The following GRID2 variants were observed in gnomAD, a reference collection of about 807,000 sequenced individuals.
GRID2 encodes the protein glutamate ionotropic receptor delta type subunit 2.
Under a neutral mutation model 114.8 loss-of-function variants are expected in GRID2, and 33 were observed. That is an observed-to-expected ratio of 0.29 (90% confidence interval 0.22 to 0.38). The LOEUF (loss-of-function observed/expected upper bound fraction) is 0.38. Among genes scored for constraint, GRID2 ranks in the 10% least tolerant of loss-of-function variants. The pLI, the probability that GRID2 is intolerant of heterozygous loss-of-function variation, is 1.00. For missense variants in GRID2, 1,184 were observed against 1,257.7 expected (o/e 0.94, Z 0.89); for synonymous variants, 505 against 449.9 (o/e 1.12, Z -1.55).
At chr4:92,479,981 A>C (rs544813763) in intron 1 of GRID2, among the ~76,000 whole-genome samples, 31 of 152,280 alleles carry the variant, frequency 2.0e-4, no homozygotes, top group African/African-American at 7.5e-4. Flanking sequence ...TCTTTGAAAC[A>C]TTGTAATTAC....
At chr4:93,382,575 T>TA in intron 8 of GRID2, among the ~76,000 whole-genome samples, 1 of 152,128 alleles carries the variant, frequency 6.6e-6, no homozygotes, top group East Asian at 1.9e-4. Flanking sequence ...AATTTCTTTC[T>TA]ACTTTTAAGT....
chr4:93,708,841 T>C (rs950626578), intron 14 of GRID2, among the ~76,000 whole-genome samples: 6 of 152,018 alleles, frequency 3.9e-5, no homozygotes, highest in African/African-American at 1.4e-4. Context: ...ATTTCTTGCT[T>C]TTTATTTTTT....
chr4:93,144,480 A>G (rs933421828), intron 4 of GRID2, among the ~76,000 whole-genome samples: 5 of 152,192 alleles, frequency 3.3e-5, no homozygotes, highest in African/African-American at 1.2e-4. Context: ...GCAGTCCATA[A>G]GGGCCTTTGG....
intron 1 of GRID2, among the ~76,000 whole-genome samples, chr4:92,396,576 G>T (rs773255923): frequency 3.9e-5 from 6 of 152,040 alleles, no homozygotes; most frequent in Non-Finnish European, 5.9e-5. Flanking sequence ...TCATACCTAG[G>T]AGTGAGAGCC....
At chr4:92,382,209 G>T (rs1450732957) in intron 1 of GRID2, among the ~76,000 whole-genome samples, 2 of 151,424 alleles carry the variant, frequency 1.3e-5, no homozygotes, top group South Asian at 4.2e-4. Context: ...TTCTCTTAAG[G>T]TGGTAGAAAA....
chr4:93,756,138 T>A (rs1237304590), intron 14 of GRID2, among the ~76,000 whole-genome samples: 2 of 152,168 alleles, frequency 1.3e-5, no homozygotes, highest in Non-Finnish European at 2.9e-5. Context: ...TTTAAAAACA[T>A]CTTACTTATT....
At chr4:93,116,867 A>G (rs1733316274) in intron 4 of GRID2, among the ~76,000 whole-genome samples, 1 of 152,100 alleles carries the variant, frequency 6.6e-6, no homozygotes, top group South Asian at 2.1e-4. Context: ...AATATTAAAT[A>G]AAGTGCCTTT....
intron 8 of GRID2, among the ~76,000 whole-genome samples, chr4:93,288,425 A>C (rs1753404109): frequency 6.6e-6 from 1 of 152,106 alleles, no homozygotes; most frequent in Non-Finnish European, 1.5e-5. Flanking sequence ...ACTCATATGC[A>C]CTTCCTGGGG....
intron 9 of GRID2, among the ~76,000 whole-genome samples, chr4:93,411,684 G>A (rs554007509): frequency 7.6e-4 from 116 of 151,738 alleles, no homozygotes; most frequent in African/African-American, 1.5e-3. Flanking sequence ...TGCCTGCCTC[G>A]GCCTCCCAAA....
intron 1 of GRID2, among the ~76,000 whole-genome samples, chr4:92,339,065 A>G (rs1304499895): frequency 6.6e-6 from 1 of 152,118 alleles, no homozygotes; most frequent in Non-Finnish European, 1.5e-5. Flanking sequence ...GGAGATTTAT[A>G]CCTTCCTCTA....
intron 8 of GRID2, among the ~76,000 whole-genome samples, chr4:93,316,296 GA>G: frequency 2.7e-5 from 1 of 36,394 alleles, no homozygotes. Flanking sequence ...AAGAACGAAA[GA>G]AAGAAAGAAA....
chr4:93,250,457 C>A (rs1458864035), intron 8 of GRID2, among the ~76,000 whole-genome samples: 1 of 151,532 alleles, frequency 6.6e-6, no homozygotes, highest in Non-Finnish European at 1.5e-5. Flanking sequence ...AACAAACCTG[C>A]AAGTTCTGCA....
intron 12 of GRID2, among the ~76,000 whole-genome samples, chr4:93,503,362 A>G (rs1434225092): frequency 6.6e-6 from 1 of 152,080 alleles, no homozygotes; most frequent in Non-Finnish European, 1.5e-5. Context: ...TTTAGGGTAC[A>G]TGTGCACAAC....
chr4:93,682,512 C>G (rs1221599428), intron 14 of GRID2, among the ~76,000 whole-genome samples: 4 of 152,054 alleles, frequency 2.6e-5, no homozygotes, highest in South Asian at 4.2e-4. Context: ...TTCACAATAG[C>G]AAAGACTTGG....
intron 1 of GRID2, among the ~76,000 whole-genome samples, chr4:92,416,921 T>G (rs1731646255): frequency 6.6e-6 from 1 of 152,096 alleles, no homozygotes; most frequent in African/African-American, 2.4e-5. Flanking sequence ...TTAGGATTTT[T>G]TTTCTAGTTT....
intron 8 of GRID2, among the ~76,000 whole-genome samples, chr4:93,361,638 CCAGCATATGGATTA>C (rs1481349350): frequency 1.3e-5 from 2 of 152,012 alleles, no homozygotes; most frequent in East Asian, 3.9e-4. Flanking sequence ...TGTTTTGATT[CCAGCATATGGATTA>C]TATCTGCATC....
At chr4:92,355,550 C>A (rs1175436884) in intron 1 of GRID2, among the ~76,000 whole-genome samples, 2 of 151,776 alleles carry the variant, frequency 1.3e-5, no homozygotes, top group East Asian at 3.9e-4. Flanking sequence ...GCTAACAGAG[C>A]TGACTTACTC....
At chr4:92,456,275 A>G (rs761047355) in intron 1 of GRID2, among the ~76,000 whole-genome samples, 8 of 152,152 alleles carry the variant, frequency 5.3e-5, no homozygotes, top group African/African-American at 9.6e-5. Flanking sequence ...TATATTAGGA[A>G]CTAAATTTTC....
At chr4:93,305,356 G>A (rs576203146) in intron 8 of GRID2, among the ~76,000 whole-genome samples, 2 of 152,260 alleles carry the variant, frequency 1.3e-5, no homozygotes, top group Admixed American at 6.5e-5. Context: ...GGGTGATTTG[G>A]ATGAATTTCT....
Sources: gnomAD v4.1 joint callset for allele counts (sites outside exome capture counted in the v4.1 genomes callset) on GRCh38, gnomAD v4.1.1 for gene constraint, MANE v1.5 for transcripts, NCBI Gene and HGNC (gene_info 2026-07-23, HGNC 2026-07-21) for gene names.